VWA3A: variants seen among roughly 807,000 people sequenced by gnomAD.
VWA3A encodes von Willebrand factor A domain containing 3A, also known as von Willebrand factor A domain-containing protein 3A.
Under a neutral mutation model 160.4 loss-of-function variants are expected in VWA3A, and 134 were observed. That is an observed-to-expected ratio of 0.84 (90% CI 0.73 to 0.96). The LOEUF is 0.96. VWA3A is among the 40% of genes least tolerant of loss of function. VWA3A has a pLI of 0.00. For missense variants in VWA3A, 1,310 were observed against 1,447.9 expected (o/e 0.90, Z 1.55); for synonymous variants, 476 against 543.4 (o/e 0.88, Z 1.72).
In VWA3A at chr16:22,121,244, G is replaced by A. The variant is rs2045729688; in HGVS notation, c.1252+141G>A. 7.1e-6 allele frequency: 9 copies of A among 1,269,260 alleles called. No individual in the cohort carries two copies. In the South Asian group the frequency reaches 1.3e-4, roughly 18 times the overall value. 78.6% of individuals were successfully genotyped at this position (1,269,260 alleles called of 1,614,324 possible). On this transcript the variant is annotated intron_variant, in intron 13 of 33. Transcript: ENST00000389398. ...AAGGATCAGTTGAGGCCAGGGATATGAGACCAACCTAGGCAACATAGCAAG... is the reference window on the plus strand; with the variant it reads ...AAGGATCAGTTGAGGCCAGGGATATAAGACCAACCTAGGCAACATAGCAAG...
chr16:22,136,406 C>A (rs1023516968), intron 21 of VWA3A, among the ~76,000 whole-genome samples: 5 of 151,938 alleles, frequency 3.3e-5, no homozygotes, highest in Non-Finnish European at 5.9e-5. Context: ...GTTTGTGGAG[C>A]CTGTGAGATA....
intron 9 of VWA3A, among the ~76,000 whole-genome samples, chr16:22,115,887 A>AAGGAAGGAAGGAAGGG (rs2045626013): frequency 3.1e-5 from 1 of 32,044 alleles, no homozygotes. Context: ...GGAAGGAAGG[A>AAGGAAGGAAGGAAGGG]AGGAAGGAAG....
At chr16:22,155,087 G>A (rs188680235) in intron 31 of VWA3A, among the ~76,000 whole-genome samples, 24 of 151,396 alleles carry the variant, frequency 1.6e-4, no homozygotes, top group African/African-American at 4.9e-4. Flanking sequence ...CCAGGAGGTC[G>A]AGGCTACAGT....
At chr16:22,139,660 A>G (rs2046107579) in intron 22 of VWA3A, among the ~76,000 whole-genome samples, 1 of 152,032 alleles carries the variant, frequency 6.6e-6, no homozygotes, top group African/African-American at 2.4e-5. Context: ...ACGCCGCTGC[A>G]CTCCAGCCTG....
chr16:22,097,614 G>A lies in VWA3A; in HGVS notation c.144G>A (p.Lys48=), dbSNP rs1449714445. ...GCAGAGATTCAAAGAAGCCACTAAA[G>A]CAGAAGAATATGAATGGACTTGGGC... ...NTGRDSKKPL[K]QKNMNGLGQN... Residue 48 remains lysine (K), a synonymous_variant, in exon 3 of 34, where the codon AAG becomes AAA. Coordinates refer to ENST00000389398, the MANE Select transcript of VWA3A (RefSeq NM_173615.5). 40 of 1,551,750 alleles carry A rather than the reference G, an allele frequency of 2.6e-5. No homozygotes were observed. The highest frequency in any genetic ancestry group is 3.4e-5 in the Non-Finnish European group (39 of 1,147,022).
chr16:22,132,553 A>AATACATAC (rs928833955), intron 19 of VWA3A, among the ~76,000 whole-genome samples: 1 of 151,968 alleles, frequency 6.6e-6, no homozygotes. Context: ...GTCTCTTTAA[A>AATACATAC]ATACATACAT....
chr16:22,133,246 A>G (rs1276823271), intron 20 of VWA3A, among the ~76,000 whole-genome samples, 151 bp downstream of exon 20: 3 of 152,368 alleles, frequency 2.0e-5, no homozygotes, highest in Middle Eastern at 3.4e-3. Context: ...GATAGATAGC[A>G]GTGATGGTTG....
chr16:22,150,870 A>G (rs1022935912), intron 30 of VWA3A, 24 bp downstream of exon 30: 3 of 1,600,324 alleles, frequency 1.9e-6, no homozygotes, highest in Non-Finnish European at 2.6e-6. Flanking sequence ...AGTCTGACTG[A>G]GTTTTATTCT....
chr16:22,098,817 G>A (rs1042742717), intron 3 of VWA3A, among the ~76,000 whole-genome samples: 2 of 143,634 alleles, frequency 1.4e-5, no homozygotes, highest in African/African-American at 5.1e-5. Context: ...GTTCACATCT[G>A]TAATCTCAGC....
At chr16:22,101,599 G>C (rs1269853614) in intron 5 of VWA3A, among the ~76,000 whole-genome samples, 2 of 152,134 alleles carry the variant, frequency 1.3e-5, no homozygotes, top group East Asian at 1.9e-4. Flanking sequence ...CCAGGAAAGA[G>C]AGAATGAGAA....
intron 14 of VWA3A, 95 bp from the exon 15 acceptor site, chr16:22,122,990 C>A: frequency 1.9e-6 from 2 of 1,037,566 alleles, no homozygotes; most frequent in Non-Finnish European, 2.9e-6. Context: ...GAGTCCACTT[C>A]ACTCTCCTGC....
In VWA3A at chr16:22,155,550, CATTT is replaced by C. The variant is rs765456384; in HGVS notation, c.3406-16_3406-13del. On this transcript the variant is annotated splice_polypyrimidine_tract_variant and intron_variant, in intron 31 of 33. Transcript: ENST00000389398. The stretch of plus-strand genomic sequence containing the variant: ...CCCATCCAGTCATAAACTTCACACT[CATTT>C]CCTCTTTTCAAGGATCCCACATTGC... The C allele has an allele frequency of 6.2e-7, 1 of 1,611,012 alleles. No homozygotes were observed. Among genetic ancestry groups the C allele is most frequent in the Non-Finnish European group, 8.5e-7 (1 of 1,177,272 alleles).
intron 3 of VWA3A, 22 bp from the exon 4 acceptor site, chr16:22,100,172 G>C: frequency 6.5e-7 from 1 of 1,528,714 alleles, no homozygotes; most frequent in Non-Finnish European, 8.8e-7. Flanking sequence ...TTCACGGTTT[G>C]ACTCTGGCTT....
At chr16:22,117,897 G>A (rs1429169833) in intron 11 of VWA3A, among the ~76,000 whole-genome samples, 1 of 152,142 alleles carries the variant, frequency 6.6e-6, no homozygotes, top group African/African-American at 2.4e-5. Flanking sequence ...TCATCATCTA[G>A]ACTCTCTCTG....
chr16:22,139,389 T>A (rs1377657077), intron 22 of VWA3A, among the ~76,000 whole-genome samples: 1 of 152,172 alleles, frequency 6.6e-6, no homozygotes, highest in Non-Finnish European at 1.5e-5. Flanking sequence ...ATGAAGGAAC[T>A]CTTCCCTTAA....
At chr16:22,100,556 C>T (rs1462477118) in intron 5 of VWA3A, 63 bp downstream of exon 5, 36 of 1,482,476 alleles carry the variant, frequency 2.4e-5, no homozygotes, top group Non-Finnish European at 2.9e-5. Context: ...CATTTCAGTC[C>T]GGGCATGGTG....
intron 21 of VWA3A, among the ~76,000 whole-genome samples, chr16:22,137,071 CTAAATAAATAAA>C (rs59108718): frequency 1.7e-4 from 25 of 149,646 alleles, no homozygotes; most frequent in Admixed American, 4.0e-4. Flanking sequence ...GACTCTGTCT[CTAAATAAATAAA>C]TAAATAAATA....
intron 8 of VWA3A, 87 bp from the exon 9 acceptor site, chr16:22,115,260 A>G: frequency 7.0e-7 from 1 of 1,423,138 alleles, no homozygotes; most frequent in Non-Finnish European, 9.3e-7. Context: ...TGGGTAACAC[A>G]GCAAGCCCTT....
At chr16:22,106,609 C>A (rs920598992) in intron 6 of VWA3A, among the ~76,000 whole-genome samples, 4 of 151,980 alleles carry the variant, frequency 2.6e-5, no homozygotes, top group Non-Finnish European at 4.4e-5. Context: ...ACAGAGTGAG[C>A]TATGTGGAGA....
Sources: allele counts gnomAD v4.1 joint callset (sites outside exome capture counted in the v4.1 genomes callset), GRCh38; gene constraint gnomAD v4.1.1; transcripts MANE v1.5; gene names NCBI Gene and HGNC (gene_info 2026-07-23, HGNC 2026-07-21).